TENM4: variants seen among roughly 807,000 people sequenced by gnomAD.
TENM4 encodes the protein teneurin transmembrane protein 4, also known as teneurin-4.
Under a neutral mutation model 243.3 loss-of-function variants are expected in TENM4, and 82 were observed. The ratio of observed to expected loss-of-function variants is 0.34; its 90% CI spans 0.28 to 0.40. The LOEUF is 0.40. Ranked by LOEUF, TENM4 falls within the 10% of genes least tolerant of loss-of-function variation. TENM4 has a pLI of 1.00. For missense variants in TENM4, 3,138 were observed against 3,673.3 expected (o/e 0.85, Z 3.77); for synonymous variants, 1,412 against 1,456.3 (o/e 0.97, Z 0.69).
chr11:79,017,415 A>C (rs1300804190), intron 6 of TENM4, among the ~76,000 whole-genome samples: 2 of 152,144 alleles, frequency 1.3e-5, no homozygotes, highest in Non-Finnish European at 2.9e-5. Context: ...CCAGGAAGCA[A>C]GTTCTGATGC....
chr11:79,133,797 C>T (rs1158910037), intron 4 of TENM4, among the ~76,000 whole-genome samples: 1 of 152,114 alleles, frequency 6.6e-6, no homozygotes, highest in Non-Finnish European at 1.5e-5. Context: ...AATTCAGCAT[C>T]CCTTTATGAT....
At chr11:79,404,827 G>C (rs1177680358) in intron 1 of TENM4, among the ~76,000 whole-genome samples, 1 of 152,010 alleles carries the variant, frequency 6.6e-6, no homozygotes, top group Non-Finnish European at 1.5e-5. Flanking sequence ...ATGGGGAATT[G>C]TAGAGCCGTA....
chr11:79,165,267 A>G (rs1327173223), intron 3 of TENM4, among the ~76,000 whole-genome samples: 1 of 152,090 alleles, frequency 6.6e-6, no homozygotes, highest in Non-Finnish European at 1.5e-5. Flanking sequence ...CAGCAGCATA[A>G]AAGTGTTCCC....
At chr11:79,298,569 C>T (rs929590723) in intron 1 of TENM4, among the ~76,000 whole-genome samples, 14 of 150,616 alleles carry the variant, frequency 9.3e-5, no homozygotes, top group South Asian at 4.2e-4. Context: ...GAAACTGGAC[C>T]GGCTGGTCAC....
intron 10 of TENM4, among the ~76,000 whole-genome samples, chr11:78,857,863 C>CTA (rs1309178971): frequency 3.3e-5 from 5 of 152,150 alleles, no homozygotes; most frequent in Admixed American, 6.5e-5. Flanking sequence ...CACAGCCATT[C>CTA]TATATTCCAG....
intron 2 of TENM4, among the ~76,000 whole-genome samples, chr11:79,247,274 G>A (rs1057222174): frequency 2.6e-5 from 4 of 152,000 alleles, no homozygotes; most frequent in African/African-American, 4.8e-5. Context: ...AAAATTAGCC[G>A]GGCATGGTGG....
intron 6 of TENM4, among the ~76,000 whole-genome samples, chr11:79,050,406 C>T (rs6592817): frequency 0.066 from 10,063 of 152,132 alleles, 1,126 homozygotes; most frequent in African/African-American, 0.23. Flanking sequence ...CAGGTGAGGC[C>T]GCATGTAGAG....
intron 4 of TENM4, among the ~76,000 whole-genome samples, chr11:79,116,494 C>A (rs1861624071): frequency 9.8e-6 from 1 of 101,910 alleles, no homozygotes; most frequent in Non-Finnish European, 2.0e-5. Flanking sequence ...GAACATAATA[C>A]CCGTGACGGT....
At chr11:78,977,577 A>C (rs190754765) in intron 6 of TENM4, among the ~76,000 whole-genome samples, 50 of 152,350 alleles carry the variant, frequency 3.3e-4, no homozygotes, top group Admixed American at 2.9e-3. Flanking sequence ...TCTCCTCAGC[A>C]GGTGGTCATT....
At chr11:78,975,208 A>G (rs1857626234) in intron 6 of TENM4, among the ~76,000 whole-genome samples, 2 of 151,628 alleles carry the variant, frequency 1.3e-5, no homozygotes, top group South Asian at 4.2e-4. Context: ...CAACTGGAAG[A>G]CTCACTGAGC....
chr11:78,899,250 G>A (rs1438948621), intron 7 of TENM4, among the ~76,000 whole-genome samples: 1 of 152,030 alleles, frequency 6.6e-6, no homozygotes. Context: ...GCCCTTAGAG[G>A]GAGAGGATGC....
chr11:78,669,160 G>T lies in TENM4; in HGVS notation c.7185C>A (p.Asn2395Lys). 1 of 1,613,858 alleles carries T rather than the reference G, an allele frequency of 6.2e-7. No homozygotes were observed. The change falls in exon 32 of 34, where the codon AAC (asparagine) becomes AAA (lysine). Residue 2395 changes from asparagine to lysine, a missense_variant. Physicochemically the swap from Asn to Lys is moderately conservative, Grantham distance 94 (BLOSUM62 0). Around this residue, in one of 2 missense-constraint regions of TENM4, gnomAD observed 2,467 missense variants for 3,059.1 expected, o/e 0.81. Coordinates refer to ENST00000278550, the MANE Select transcript of TENM4 (RefSeq NM_001098816.3). This position sits in a 1 kb window ranked among gnomAD's most constrained non-coding sequence, Gnocchi z 6.4. ...YGEIYMDTNP[N>K]FQIIIGYHGG... ...CATGGTAGCCTATGATGATCTGAAA[G>T]TTGGGGTTGGTATCCATGTAGATCT...
chr11:79,330,221 C>T (rs1270457425), intron 1 of TENM4, among the ~76,000 whole-genome samples: 2 of 152,154 alleles, frequency 1.3e-5, no homozygotes, highest in Non-Finnish European at 2.9e-5. Flanking sequence ...CTGCCAATTC[C>T]AGCACACAAC....
chr11:79,021,037 C>A (rs1330487425), intron 6 of TENM4, among the ~76,000 whole-genome samples: 1 of 152,160 alleles, frequency 6.6e-6, no homozygotes, highest in Non-Finnish European at 1.5e-5. Flanking sequence ...TCTTTGCATC[C>A]CTGCTGGGCC....
chr11:78,784,957 G>A (rs890478535), intron 16 of TENM4, among the ~76,000 whole-genome samples: 4 of 151,054 alleles, frequency 2.6e-5, no homozygotes, highest in Admixed American at 6.6e-5. Flanking sequence ...ATTTGCAAAC[G>A]TTTTGGAGTT....
chr11:78,709,362 T>C (rs747183023), intron 26 of TENM4, among the ~76,000 whole-genome samples: 6 of 152,116 alleles, frequency 3.9e-5, no homozygotes, highest in African/African-American at 1.2e-4. Context: ...GTAGAGAATA[T>C]TGTTGAATTG....
intron 6 of TENM4, among the ~76,000 whole-genome samples, chr11:78,971,335 C>T (rs1334077826): frequency 6.6e-6 from 1 of 152,124 alleles, no homozygotes; most frequent in Non-Finnish European, 1.5e-5. Context: ...CGGAGTCTTG[C>T]TCTGTCACCC....
At chr11:78,899,375 T>C (rs926683480) in intron 7 of TENM4, among the ~76,000 whole-genome samples, 1 of 151,986 alleles carries the variant, frequency 6.6e-6, no homozygotes, top group African/African-American at 2.4e-5. Context: ...GGAGGATTGC[T>C]TGTGCCCAGG....
chr11:79,174,462 C>A (rs1354308652), intron 3 of TENM4, among the ~76,000 whole-genome samples: 2 of 152,120 alleles, frequency 1.3e-5, no homozygotes, highest in African/African-American at 4.8e-5. Context: ...AAAATCGATG[C>A]CTGTGCTTAC....
Sources: allele counts gnomAD v4.1 joint callset (sites outside exome capture counted in the v4.1 genomes callset), GRCh38; gene constraint gnomAD v4.1.1; regional missense constraint gnomAD v4.1.1; non-coding constraint Gnocchi (gnomAD v3.1); transcripts MANE v1.5; gene names NCBI Gene and HGNC (gene_info 2026-07-23, HGNC 2026-07-21).